RAET1G: variants seen among roughly 807,000 people sequenced by gnomAD.
RAET1G encodes the protein UL-16 binding protein 5.
In RAET1G, 25 loss-of-function variants were observed where a neutral mutation model predicts 29.5. The ratio of observed to expected loss-of-function variants is 0.85; its 90% CI spans 0.62 to 1.18. RAET1G has a LOEUF of 1.18. Ranked by LOEUF, RAET1G falls within the 50% of genes most tolerant of loss-of-function variation. RAET1G has a pLI of 0.00. For missense variants in RAET1G, 434 were observed against 423.6 expected (o/e 1.02, Z -0.22); for synonymous variants, 167 against 159.5 (o/e 1.05, Z -0.36).
chr6:149,922,988 G>A lies in RAET1G; in HGVS notation c.23C>T (p.Ala8Val), dbSNP rs774032327. Reference sequence around the variant, plus strand: ...CAGAAGCGGGAGGCGTAGAAGGAACGCGGGGCTGGCGGCCGCTGCCATTGG... The same window carrying A: ...CAGAAGCGGGAGGCGTAGAAGGAACACGGGGCTGGCGGCCGCTGCCATTGG... MAAAASP[A>V]FLLRLPLLLL... Residue 8 changes from alanine (A) to valine (V), a missense_variant, in exon 1 of 5, where the codon GCG becomes GTG. Ala to Val is a moderately conservative substitution (Grantham distance 64). Coordinates refer to ENST00000367360, the MANE Select transcript of RAET1G (RefSeq NM_001001788.4). 1.2e-5 allele frequency: 20 copies of A among 1,603,974 alleles called. No individual in the cohort carries two copies. Among genetic ancestry groups the A allele is most frequent in the Non-Finnish European group, 1.5e-5 (18 of 1,175,994 alleles).
chr6:149,920,732 A>T (rs1351814259), intron 1 of RAET1G, among the ~76,000 whole-genome samples: 2 of 152,232 alleles, frequency 1.3e-5, no homozygotes, highest in East Asian at 1.9e-4. Context: ...GGAAATGATT[A>T]GAGAAGTCAC....
rs1778551533 is a variant in RAET1G, at chr6:149,919,717, A to G, written c.185T>C (p.Leu62Pro). 1.9e-6 allele frequency: 3 copies of G among 1,613,788 alleles called. No individual in the cohort carries two copies. The South Asian group carries it at 3.3e-5, about 18-fold the overall frequency. ...TGTCTTGCTGCCACAGTCATAGTGA[A>G]GAAAAGTCTTTTCATCCACCTGGCC... is the stretch of plus-strand genomic sequence containing the variant. ...VQGQVDEKTF[L>P]HYDCGSKTVT... Residue 62 changes from leucine to proline, a missense_variant, in exon 2 of 5, where the codon CTT (leucine) becomes CCT (proline). Leu to Pro is a moderately conservative substitution (Grantham distance 98). Coordinates refer to ENST00000367360, the MANE Select transcript of RAET1G (RefSeq NM_001001788.4).
chr6:149,917,161 G>A (rs758183265), intron 4 of RAET1G, 87 bp from the exon 5 acceptor site: 19 of 1,430,842 alleles, frequency 1.3e-5, no homozygotes, highest in East Asian at 7.8e-5. Context: ...TTCTGCTACC[G>A]CTATCTAGAA....
In RAET1G at chr6:149,919,539, C is replaced by T; in HGVS notation, c.349+14G>A. On this transcript the variant is annotated intron_variant, in intron 2 of 4. Transcript: ENST00000367360. ...GTATCTGCTCCCTGCTGTCCTGGGC[C>T]ATCTGAAACTTACCCTTGGGTATGT... 1 of 1,613,992 alleles carries T rather than the reference C, an allele frequency of 6.2e-7. No homozygotes were observed. The highest frequency in any genetic ancestry group is 8.5e-7 in the Non-Finnish European group (1 of 1,179,874).
Position 149,919,145 on chromosome 6 carries a change from C to A in RAET1G, c.529G>T (p.Asp177Tyr), listed in dbSNP as rs768235237. The A allele has an allele frequency of 4.3e-6, 7 of 1,614,176 alleles. No homozygotes were observed. The highest frequency in any genetic ancestry group is 5.1e-6 in the Non-Finnish European group (6 of 1,180,038). ...KMKEKWENDK[D>Y]MTMSFHYISM... ...ATGTAATGGAAGGACATGGTCATAT[C>A]CTTGTCATTCTCCCACTTTTCTTTC... The change falls in exon 3 of 5, where the codon GAT (aspartate) becomes TAT (tyrosine). Residue 177 changes from aspartate (D) to tyrosine (Y), a missense_variant. Coordinates refer to ENST00000367360, the MANE Select transcript of RAET1G (RefSeq NM_001001788.4).
chr6:149,919,258 C>G lies in RAET1G; in HGVS notation c.416G>C (p.Trp139Ser). ...QKAEGHGSGS[W>S]QLSFDGQIFL... is the part of the protein sequence containing the mutation. ...GATCTGTCCATCGAAACTGAGCTGC[C>G]AAGATCCACTGCCGTGTCCTTCGGC... Residue 139 changes from tryptophan (W) to serine (S), a missense_variant, in exon 3 of 5, where the codon TGG (tryptophan) becomes TCG (serine). Coordinates refer to ENST00000367360, the MANE Select transcript of RAET1G (RefSeq NM_001001788.4). The G allele has an allele frequency of 1.2e-6, 2 of 1,614,224 alleles. No homozygotes were observed. The highest frequency in any genetic ancestry group is 1.7e-6 in the Non-Finnish European group (2 of 1,180,040).
chr6:149,922,945 C>T lies in RAET1G; in HGVS notation c.66G>A (p.Trp22Ter). ...ACTCACCGGCCAGCCCGGTCCTGCA[C>T]CAGCTGGACAGCAGGAGCAGAAGCG... Reference protein sequence around the residue: ...RLPLLLLLSSWCRTGLADPHS... With the variant: ...RLPLLLLLSS The change falls in exon 1 of 5, where the codon TGG becomes TGA. Residue 22 changes from tryptophan (W) to a stop codon, truncating the protein, a stop_gained. Transcript: ENST00000367360. LOFTEE classifies it high-confidence loss of function. 10 of 1,600,758 alleles carry T rather than the reference C, an allele frequency of 6.2e-6. No individual in the cohort carries two copies. Among genetic ancestry groups the T allele is most frequent in the Non-Finnish European group, 8.5e-6 (10 of 1,174,584 alleles).
chr6:149,917,331 C>A (rs552669697), intron 4 of RAET1G, among the ~76,000 whole-genome samples: 7 of 152,304 alleles, frequency 4.6e-5, no homozygotes, highest in African/African-American at 1.4e-4. Context: ...TCTTCTCTAA[C>A]TCCCCCGGGG....
At chr6:149,922,803 G>A in intron 1 of RAET1G, 123 bp downstream of exon 1, 1 of 638,952 alleles carries the variant, frequency 1.6e-6, no homozygotes. Context: ...GGGAAACTGA[G>A]CGGGGGCGCA....
chr6:149,920,533 A>G (rs1778574834), intron 1 of RAET1G, among the ~76,000 whole-genome samples: 1 of 152,136 alleles, frequency 6.6e-6, no homozygotes, highest in Non-Finnish European at 1.5e-5. Flanking sequence ...CCTGGCATAT[A>G]AAGAAGGCCC....
intron 2 of RAET1G, 94 bp from the exon 3 acceptor site, chr6:149,919,418 C>G (rs1344024851): frequency 6.2e-7 from 1 of 1,600,760 alleles, no homozygotes; most frequent in East Asian, 2.2e-5. Flanking sequence ...CTTGCTCTGC[C>G]ACATCCTGGC....
chr6:149,919,042 C>T lies in RAET1G; in HGVS notation c.631+1G>A. The T allele has an allele frequency of 6.2e-7, 1 of 1,613,542 alleles. No individual in the cohort carries two copies. The highest frequency in any genetic ancestry group is 8.5e-7 in the Non-Finnish European group (1 of 1,179,788). On this transcript the variant is annotated splice_donor_variant, in intron 3 of 4. Coordinates refer to ENST00000367360, the MANE Select transcript of RAET1G (RefSeq NM_001001788.4). LOFTEE classifies it high-confidence loss of function. Reference sequence around the variant, plus strand: ...ATCCCCATTTCTTTTTCTCCTGTTACCTCCTGCACTTGGCTCCAGGGTGCT... The same window carrying T: ...ATCCCCATTTCTTTTTCTCCTGTTATCTCCTGCACTTGGCTCCAGGGTGCT...
rs1778532425 is a variant in RAET1G at position 149,919,197 on chromosome 6, T to C, written c.477A>G (p.Thr159=). The change falls in exon 3 of 5, where the codon ACA becomes ACG. Residue 159 remains threonine (T), a synonymous_variant. Transcript: ENST00000367360. The part of the protein sequence containing the change: ...LLFDSENRMW[T]TVHPGARKMK... ...TCTTTCTGGCTCCAGGATGAACCGTTGTCCACATTCTGTTTTCTGAGTCAA... is the reference window on the plus strand; with the variant it reads ...TCTTTCTGGCTCCAGGATGAACCGTCGTCCACATTCTGTTTTCTGAGTCAA... 1 of 1,614,118 alleles carries C rather than the reference T, an allele frequency of 6.2e-7. No homozygotes were observed. Among genetic ancestry groups the C allele is most frequent in the Non-Finnish European group, 8.5e-7 (1 of 1,180,052 alleles).
rs1387705108 is a variant in RAET1G at position 149,922,916 on chromosome 6, C to G, written c.85+10G>C. On this transcript the variant is annotated intron_variant, in intron 1 of 4. Coordinates refer to ENST00000367360, the MANE Select transcript of RAET1G (RefSeq NM_001001788.4). ...CCTCCGCCCCGCTTAGGCTCCATCC[C>G]CGAACTCACCGGCCAGCCCGGTCCT... 1.2e-5 allele frequency: 19 copies of G among 1,581,368 alleles called. No homozygotes were observed. Among genetic ancestry groups the G allele is most frequent in the Non-Finnish European group, 1.6e-5 (19 of 1,163,844 alleles).
At chr6:149,919,956 C>T in intron 1 of RAET1G, 140 bp from the exon 2 acceptor site, 1 of 1,561,246 alleles carries the variant, frequency 6.4e-7, no homozygotes, top group Non-Finnish European at 8.7e-7. Flanking sequence ...ACTGTGGTGT[C>T]CACAAGATTA....
intron 1 of RAET1G, among the ~76,000 whole-genome samples, chr6:149,921,710 A>G (rs1318373118): frequency 6.6e-6 from 1 of 151,988 alleles, no homozygotes; most frequent in African/African-American, 2.4e-5. Flanking sequence ...GGGAGAGTAG[A>G]CCCTGAACCA....
At chr6:149,917,674 T>C (rs1778478414) in intron 4 of RAET1G, among the ~76,000 whole-genome samples, 1 of 152,254 alleles carries the variant, frequency 6.6e-6, no homozygotes, top group African/African-American at 2.4e-5. Context: ...TTTATTATAC[T>C]GGAACAGCTT....
In RAET1G at chr6:149,922,936, G is replaced by T; in HGVS notation, c.75C>A (p.Thr25=). 2 of 1,595,192 alleles carry T rather than the reference G, an allele frequency of 1.3e-6. No homozygotes were observed. The highest frequency in any genetic ancestry group is 2.3e-5 in the East Asian group (1 of 44,184). The change falls in exon 1 of 5, where the codon ACC becomes ACA. Residue 25 remains threonine, a synonymous_variant. Transcript: ENST00000367360. ...LLLLLSSWCR[T]GLADPHSLCY... is the part of the protein sequence containing the mutation. ...CATCCCCGAACTCACCGGCCAGCCC[G>T]GTCCTGCACCAGCTGGACAGCAGGA...
chr6:149,919,534 T>C lies in RAET1G; in HGVS notation c.349+19A>G. 1 of 1,614,040 alleles carries C rather than the reference T, an allele frequency of 6.2e-7. No homozygotes were observed. Among genetic ancestry groups the C allele is most frequent in the Non-Finnish European group, 8.5e-7 (1 of 1,179,880 alleles). On this transcript the variant is annotated intron_variant, in intron 2 of 4. Coordinates refer to ENST00000367360, the MANE Select transcript of RAET1G (RefSeq NM_001001788.4). ...CCACTGTATCTGCTCCCTGCTGTCC[T>C]GGGCCATCTGAAACTTACCCTTGGG...
Sources: gnomAD v4.1 joint callset for allele counts (sites outside exome capture counted in the v4.1 genomes callset) on GRCh38, gnomAD v4.1.1 for gene constraint, MANE v1.5 for transcripts, NCBI Gene and HGNC (gene_info 2026-07-23, HGNC 2026-07-21) for gene names.